Variants in CIITA observed in about 807,000 individuals in gnomAD.
CIITA encodes the protein MHC class II transactivator.
A neutral mutation model predicts 115.1 loss-of-function variants in CIITA; 72 were observed. The ratio of observed to expected loss-of-function variants is 0.63; its 90% CI spans 0.52 to 0.76. The LOEUF is 0.76. Among genes scored for constraint, CIITA ranks in the 30% least tolerant of loss-of-function variants. The pLI, the probability that CIITA is intolerant of heterozygous loss-of-function variation, is 0.00. For missense variants in CIITA, 1,617 were observed against 1,463.8 expected, an observed-to-expected ratio of 1.10 and a Z score of -1.71; for synonymous variants, 763 against 635.6, an observed-to-expected ratio of 1.20 and a Z score of -3.02.
upstream of CIITA, among the ~76,000 whole-genome samples, chr16:10,876,287 T>G (rs570443041): frequency 6.6e-6 from 1 of 152,342 alleles, no homozygotes; most frequent in East Asian, 1.9e-4. Context: ...AATGTTGGAA[T>G]TACAGGCACA....
chr16:10,877,391 G>T lies in CIITA; in HGVS notation c.52+9G>T, dbSNP rs199476060. On this transcript the variant is annotated intron_variant, in intron 1 of 19. Coordinates refer to ENST00000324288, the MANE Select transcript of CIITA (RefSeq NM_000246.4). ...CCTGTCAGAGCCCCAAGGTAAAAAG[G>T]CCGGGAAAGCATCTTAATTTAGCGT... The T allele has an allele frequency of 2.5e-6, 4 of 1,612,038 alleles. No individual in the cohort carries two copies. The highest frequency in any genetic ancestry group is 2.5e-6 in the Non-Finnish European group (3 of 1,178,992).
intron 1 of CIITA, among the ~76,000 whole-genome samples, chr16:10,868,917 C>T (rs1344127955): frequency 6.6e-6 from 1 of 152,240 alleles, no homozygotes; most frequent in Non-Finnish European, 1.5e-5. Context: ...TTCTGCCCTC[C>T]AGCCAGCTTC....
In CIITA at chr16:10,918,497, T is replaced by C. The variant is rs2145058824; in HGVS notation, c.3120T>C (p.Pro1040=). ...LGAYKLAEAL[P]SLAASLLRLS... The stretch of plus-strand genomic sequence containing the variant: ...CCTACAAACTCGCCGAGGCCCTGCC[T>C]TCGCTCGCTGCATCCCTGCTCAGGC... The change falls in exon 16 of 20, where the codon CCT becomes CCC. Residue 1040 remains proline (P), a synonymous_variant. Coordinates refer to ENST00000324288, the MANE Select transcript of CIITA (RefSeq NM_000246.4). 1.2e-6 allele frequency: 2 copies of C among 1,614,148 alleles called. No individual in the cohort carries two copies. Among genetic ancestry groups the C allele is most frequent in the South Asian group, 2.2e-5 (2 of 91,078 alleles).
In CIITA at chr16:10,901,421, A is replaced by T; in HGVS notation, c.437-93A>T. 1 of 1,373,938 alleles carries T rather than the reference A, an allele frequency of 7.3e-7. No individual in the cohort carries two copies. Among genetic ancestry groups the T allele is most frequent in the Non-Finnish European group, 1.0e-6 (1 of 967,036 alleles). 85.1% of individuals were successfully genotyped at this position (1,373,938 alleles called of 1,614,324 possible). A position where few individuals can be genotyped will look rare whatever the true frequency, so the allele number is the denominator to read the frequency against. ...CCCCCAAGACCACTACCCAGCCTTG[A>T]AGTTAAGGCCGTATAGCCTGCTAGA... On this transcript the variant is annotated intron_variant, in intron 5 of 19. Coordinates refer to ENST00000324288, the MANE Select transcript of CIITA (RefSeq NM_000246.4). The surrounding 1 kb of genome is among the most constrained non-coding windows in gnomAD (Gnocchi z 6.8).
At position 10,903,747 on chromosome 16, in the gene CIITA, C is replaced by T; in HGVS notation, c.789C>T (p.Ala263=). Residue 263 remains alanine, a synonymous_variant, in exon 9 of 20, where the codon GCC becomes GCT. Coordinates refer to ENST00000324288, the MANE Select transcript of CIITA (RefSeq NM_000246.4). ...IFIYHGEVPQ[A]SQVPPPSGFT... ...CCAATGTAGGTGAGGTGCCCCAGGCCAGCCAAGTACCCCCTCCCAGTGGAT... is the reference window on the plus strand; with the variant it reads ...CCAATGTAGGTGAGGTGCCCCAGGCTAGCCAAGTACCCCCTCCCAGTGGAT... 1 of 1,614,158 alleles carries T rather than the reference C, an allele frequency of 6.2e-7. No individual in the cohort carries two copies. The highest frequency in any genetic ancestry group is 8.5e-7 in the Non-Finnish European group (1 of 1,180,020).
rs2040876938 is a variant in CIITA, at chr16:10,933,265, A to G, written c.*9410A>G. The stretch of plus-strand genomic sequence containing the variant: ...GTTGGGTGCTAGATCCCCTTCGTGA[A>G]GCAATGTCTTAGCTCAGTAACTCTG... On this transcript the variant is annotated 3_prime_UTR_variant, in exon 20 of 20. Transcript: ENST00000324288. 1 of 152,268 alleles carries G rather than the reference A, an allele frequency of 6.6e-6. No homozygotes were observed. Among genetic ancestry groups the G allele is most frequent in the Non-Finnish European group, 1.5e-5 (1 of 68,100 alleles). The allele number at this position is 152,268 out of a possible 1,614,324, so 9.4% of individuals were successfully genotyped here.
intron 5 of CIITA, among the ~76,000 whole-genome samples, chr16:10,900,653 T>C (rs2038644177): frequency 6.6e-6 from 1 of 151,744 alleles, no homozygotes; most frequent in Admixed American, 6.6e-5. Flanking sequence ...GGTGGGAGAA[T>C]CGCTTGAACC....
Position 10,926,427 on chromosome 16 carries a change from T to C in CIITA, c.*2572T>C, listed in dbSNP as rs1422537458. 6.6e-6 allele frequency: 1 copy of C among 152,278 alleles called. No homozygotes were observed. The highest frequency in any genetic ancestry group is 2.1e-4 in the South Asian group (1 of 4,832). 9.4% of individuals were successfully genotyped at this position (152,278 alleles called of 1,614,324 possible). A position where few individuals can be genotyped will look rare whatever the true frequency, so the allele number is the denominator to read the frequency against. ...TGTGCTCTGATCATCCACTGTGCCA[T>C]GTGCCAGGTTTTTGGTCTGACCCAC... On this transcript the variant is annotated 3_prime_UTR_variant, in exon 20 of 20. Transcript: ENST00000324288.
chr16:10,875,451 A>C (rs1276742305), upstream of CIITA, among the ~76,000 whole-genome samples: 1 of 152,146 alleles, frequency 6.6e-6, no homozygotes, highest in African/African-American at 2.4e-5. Flanking sequence ...ACATGGGGAA[A>C]CTGAGGACCA....
At chr16:10,880,431 T>C (rs899051276) in intron 1 of CIITA, among the ~76,000 whole-genome samples, 5 of 152,304 alleles carry the variant, frequency 3.3e-5, no homozygotes, top group Admixed American at 6.5e-5. Flanking sequence ...CTCTTTACTC[T>C]CTCCCTGTTA....
At chr16:10,881,432 CATAG>C (rs770668295) in intron 1 of CIITA, among the ~76,000 whole-genome samples, 162 of 152,328 alleles carry the variant, frequency 1.1e-3, no homozygotes, top group Non-Finnish European at 1.3e-3. Context: ...ATAGGAAGGA[CATAG>C]ATAGTTTTCA....
chr16:10,901,625 A>G lies in CIITA; in HGVS notation c.481+67A>G, dbSNP rs1250875825. 7 of 1,516,112 alleles carry G rather than the reference A, an allele frequency of 4.6e-6. No individual in the cohort carries two copies. Among genetic ancestry groups the G allele is most frequent in the Non-Finnish European group, 6.4e-6 (7 of 1,101,082 alleles). The allele number at this position is 1,516,112 out of a possible 1,614,324, so 93.9% of individuals were successfully genotyped here. ...CTTGGGGAGGGGATGGAAGAGATTG[A>G]ACTCCTGGCCCAAGTCTGATGGGGA... On this transcript the variant is annotated intron_variant, in intron 6 of 19. Coordinates refer to ENST00000324288, the MANE Select transcript of CIITA (RefSeq NM_000246.4). The surrounding 1 kb of genome is among the most constrained non-coding windows in gnomAD (Gnocchi z 6.8).
chr16:10,942,272 C>T lies in CIITA; in HGVS notation n.1398C>T, dbSNP rs1387489102. On this transcript the variant is annotated non_coding_transcript_exon_variant, in exon 2 of 2. Coordinates refer to the CIITA transcript ENST00000573379. The surrounding 1 kb of genome is among the most constrained non-coding windows in gnomAD (Gnocchi z 5.0). ...CCCCCTGAAGTGGCCCGCGGCTGCC[C>T]GGCTCCCTCGTGGCGCCTCCCTGGC... is the stretch of plus-strand genomic sequence containing the variant. 6.0e-6 allele frequency: 2 copies of T among 332,622 alleles called. No homozygotes were observed. Among genetic ancestry groups the T allele is most frequent in the Non-Finnish European group, 5.5e-6 (1 of 182,350 alleles). 20.6% of individuals were successfully genotyped at this position (332,622 alleles called of 1,614,324 possible).
chr16:10,892,600 A>G (rs1041171532), intron 1 of CIITA, among the ~76,000 whole-genome samples: 10 of 152,182 alleles, frequency 6.6e-5, no homozygotes, highest in African/African-American at 2.2e-4. Context: ...GGAACCTGTC[A>G]GTGTGACTTT....
At position 10,902,764 on chromosome 16, in the gene CIITA, G is replaced by A. The variant is rs1567407439; in HGVS notation, c.735G>A (p.Glu245=). The part of the protein sequence containing the change: ...TLPHGLWQIS[E]AGTGVSSIFI... ...CCCATGGGCTCTGGCAAATCTCTGAGGCTGGAACAGGGGTCTCCAGTATAT... is the reference window on the plus strand; with the variant it reads ...CCCATGGGCTCTGGCAAATCTCTGAAGCTGGAACAGGGGTCTCCAGTATAT... Residue 245 remains glutamate, a synonymous_variant, in exon 8 of 20, where the codon GAG becomes GAA. Coordinates refer to ENST00000324288, the MANE Select transcript of CIITA (RefSeq NM_000246.4). 6.2e-7 allele frequency: 1 copy of A among 1,614,182 alleles called. No individual in the cohort carries two copies. The highest frequency in any genetic ancestry group is 1.7e-4 in the Middle Eastern group (1 of 6,060).
chr16:10,942,005 T>C lies in CIITA; in HGVS notation n.1131T>C, dbSNP rs955807757. The C allele has an allele frequency of 2.8e-6, 4 of 1,453,026 alleles. No individual in the cohort carries two copies. The highest frequency in any genetic ancestry group is 3.6e-6 in the Non-Finnish European group (4 of 1,101,310). The allele number at this position is 1,453,026 out of a possible 1,614,324, so 90.0% of individuals were successfully genotyped here. On this transcript the variant is annotated non_coding_transcript_exon_variant, in exon 2 of 2. Transcript: ENST00000573379. This position sits in a 1 kb window ranked among gnomAD's most constrained non-coding sequence, Gnocchi z 5.0. ...TGGGCCGCGACCCGGGCGCCGAGCATGCAGCGGGTGGCAAGGGCGGCGGCC... is the reference window on the plus strand; with the variant it reads ...TGGGCCGCGACCCGGGCGCCGAGCACGCAGCGGGTGGCAAGGGCGGCGGCC...
At chr16:10,915,908 A>T (rs1346341018) in intron 14 of CIITA, among the ~76,000 whole-genome samples, 3 of 152,210 alleles carry the variant, frequency 2.0e-5, no homozygotes, top group Non-Finnish European at 1.5e-5. Context: ...CTGCATCCTC[A>T]ATGTGGCTGG....
At chr16:10,870,557 G>A (rs527881793) in intron 1 of CIITA, among the ~76,000 whole-genome samples, 3 of 152,330 alleles carry the variant, frequency 2.0e-5, no homozygotes, top group Non-Finnish European at 4.4e-5. Context: ...TCTATCAGAG[G>A]CCAAAGAAGG....
upstream of CIITA, among the ~76,000 whole-genome samples, chr16:10,874,910 G>A (rs961673274): frequency 5.9e-5 from 9 of 152,302 alleles, no homozygotes; most frequent in Middle Eastern, 6.8e-3. Context: ...TGAGCAGTCA[G>A]AGGCGCCTCT....
Sources: gnomAD v4.1 joint callset for allele counts (sites outside exome capture counted in the v4.1 genomes callset) on GRCh38, gnomAD v4.1.1 for gene constraint, Gnocchi (gnomAD v3.1) non-coding constraint, MANE v1.5 for transcripts, NCBI Gene and HGNC (gene_info 2026-07-23, HGNC 2026-07-21) for gene names.